MSI2: variants seen among roughly 807,000 people sequenced by gnomAD.
MSI2 encodes the protein musashi RNA binding protein 2, also known as RNA-binding protein Musashi homolog 2.
MSI2 carries 17 observed loss-of-function variants against 45.6 expected under a neutral mutation model. That is an observed-to-expected ratio of 0.37 (90% confidence interval 0.26 to 0.56). The LOEUF (loss-of-function observed/expected upper bound fraction) is 0.56, where lower values mean the gene tolerates loss of function less well. Ranked by LOEUF, MSI2 falls within the 20% of genes least tolerant of loss-of-function variation. MSI2 has a pLI of 0.77. For missense variants in MSI2, 293 were observed against 444.2 expected (o/e 0.66, Z 3.06); for synonymous variants, 156 against 158.2 (o/e 0.99, Z 0.11).
At chr17:57,298,679 T>C (rs1911186558) in intron 5 of MSI2, among the ~76,000 whole-genome samples, 1 of 152,204 alleles carries the variant, frequency 6.6e-6, no homozygotes, top group Non-Finnish European at 1.5e-5. Context: ...AGAGATGTGC[T>C]ATCATCCAGG....
chr17:57,621,932 G>T (rs1392212147), intron 9 of MSI2, among the ~76,000 whole-genome samples: 1 of 152,322 alleles, frequency 6.6e-6, no homozygotes, highest in South Asian at 2.1e-4. Context: ...GCAGGTCAGT[G>T]CAGTGGCTCA....
intron 6 of MSI2, among the ~76,000 whole-genome samples, chr17:57,519,154 A>G (rs1398105308): frequency 6.6e-6 from 1 of 152,158 alleles, no homozygotes; most frequent in Admixed American, 6.5e-5. Context: ...TGCTCCCCCA[A>G]GGGCACACTG....
At chr17:57,567,890 C>T (rs1286602711) in intron 7 of MSI2, among the ~76,000 whole-genome samples, 2 of 152,220 alleles carry the variant, frequency 1.3e-5, no homozygotes, top group Non-Finnish European at 2.9e-5. Flanking sequence ...TTGCTCTGCA[C>T]CTAGCTTACA....
intron 6 of MSI2, among the ~76,000 whole-genome samples, chr17:57,478,705 T>G (rs1251159874): frequency 1.3e-5 from 2 of 152,168 alleles, no homozygotes; most frequent in Non-Finnish European, 2.9e-5. Context: ...TCGGAAGGAA[T>G]TCAGGGATCC....
chr17:57,285,084 T>C (rs1909756193), intron 5 of MSI2, among the ~76,000 whole-genome samples: 1 of 151,984 alleles, frequency 6.6e-6, no homozygotes, highest in South Asian at 2.1e-4. Flanking sequence ...AGTTTCTTCT[T>C]TTCACCTTAA....
chr17:57,647,274 C>CAAAAAAAAA (rs33915774), intron 10 of MSI2, among the ~76,000 whole-genome samples: 10 of 37,676 alleles, frequency 2.7e-4, no homozygotes, highest in Non-Finnish European at 3.7e-4. Context: ...ACTAAAAATA[C>CAAAAAAAAA]AAAAAAAAAA....
At chr17:57,448,985 T>TCC (rs2084948510) in intron 6 of MSI2, 1 of 152,208 alleles carries the variant, frequency 6.6e-6, no homozygotes, top group African/African-American at 2.4e-5. Flanking sequence ...GTAGTAAATG[T>TCC]TCAAATGTTT....
chr17:57,467,496 G>A (rs2085350194), intron 6 of MSI2, among the ~76,000 whole-genome samples: 1 of 152,208 alleles, frequency 6.6e-6, no homozygotes, highest in Non-Finnish European at 1.5e-5. Context: ...AAGGGCAGAT[G>A]AAGGATGGAT....
intron 6 of MSI2, among the ~76,000 whole-genome samples, chr17:57,441,320 C>A (rs2084796135): frequency 6.6e-6 from 1 of 152,164 alleles, no homozygotes; most frequent in Non-Finnish European, 1.5e-5. Flanking sequence ...CTTGTATGAA[C>A]TCTGGTCCAC....
intron 5 of MSI2, chr17:57,265,289 G>A (rs749146984): frequency 6.6e-6 from 1 of 152,154 alleles, no homozygotes; most frequent in African/African-American, 2.4e-5. Context: ...GCCCCTCCTC[G>A]TGGGATGGGC....
At position 57,677,035 on chromosome 17, in the gene MSI2, G is replaced by C; in HGVS notation, c.*7G>C. 4 of 1,613,658 alleles carry C rather than the reference G, an allele frequency of 2.5e-6. No homozygotes were observed. The highest frequency in any genetic ancestry group is 3.4e-6 in the Non-Finnish European group (4 of 1,179,598). On this transcript the variant is annotated 3_prime_UTR_variant, in exon 13 of 14. Coordinates refer to ENST00000284073, the MANE Select transcript of MSI2 (RefSeq NM_138962.4). ...TACAAATGGATACCATTGAGCAGGT[G>C]CTTTCGTTGCCATCTCACTCTGAGG...
At chr17:57,525,283 G>T (rs1284500714) in intron 6 of MSI2, among the ~76,000 whole-genome samples, 1 of 150,204 alleles carries the variant, frequency 6.7e-6, no homozygotes, top group Non-Finnish European at 1.5e-5. Flanking sequence ...GGGGGGGGCA[G>T]GTGGGGGAGG....
chr17:57,595,047 C>T (rs1478141190), intron 7 of MSI2, among the ~76,000 whole-genome samples: 1 of 152,042 alleles, frequency 6.6e-6, no homozygotes, highest in Non-Finnish European at 1.5e-5. Context: ...ATTCTCATAC[C>T]GAAGAATCTG....
intron 9 of MSI2, among the ~76,000 whole-genome samples, chr17:57,620,889 C>T (rs766805196): frequency 1.2e-4 from 19 of 152,208 alleles, no homozygotes; most frequent in Admixed American, 2.0e-4. Flanking sequence ...CAAGTTGTAT[C>T]TGAGGAGATA....
intron 5 of MSI2, among the ~76,000 whole-genome samples, chr17:57,344,906 T>G (rs566027771): frequency 6.6e-6 from 1 of 152,080 alleles, no homozygotes; most frequent in Non-Finnish European, 1.5e-5. Context: ...CTACTAAAAA[T>G]TCAAAAATTA....
the MSI2 span, among the ~76,000 whole-genome samples, chr17:57,690,560 C>T: frequency 5.8e-4 from 89 of 152,164 alleles, no homozygotes; most frequent in African/African-American, 2.1e-3. Context: ...CTGAGGCTGC[C>T]GTATGTCAAG....
intron 6 of MSI2, among the ~76,000 whole-genome samples, chr17:57,402,886 G>T (rs563340472): frequency 6.6e-6 from 1 of 152,244 alleles, no homozygotes; most frequent in Non-Finnish European, 1.5e-5. Flanking sequence ...AGCCAAGTGT[G>T]TTGATGACTG....
intron 7 of MSI2, among the ~76,000 whole-genome samples, chr17:57,581,546 C>T (rs576077956): frequency 1.3e-5 from 2 of 152,322 alleles, no homozygotes; most frequent in Non-Finnish European, 2.9e-5. Context: ...GTAGGCTACA[C>T]TGAGTGACAT....
intron 5 of MSI2, among the ~76,000 whole-genome samples, chr17:57,312,815 AG>A (rs547981657): frequency 6.6e-6 from 1 of 152,118 alleles, no homozygotes; most frequent in Non-Finnish European, 1.5e-5. Flanking sequence ...TATAGTTCCA[AG>A]GGGGGTTAAG....
Sources: gnomAD v4.1 joint callset for allele counts (sites outside exome capture counted in the v4.1 genomes callset) on GRCh38, gnomAD v4.1.1 for gene constraint, MANE v1.5 for transcripts, NCBI Gene and HGNC (gene_info 2026-07-23, HGNC 2026-07-21) for gene names.